Variants in FGGY observed in about 807,000 individuals in gnomAD.
FGGY encodes FGGY carbohydrate kinase domain containing.
Under a neutral mutation model 71.3 loss-of-function variants are expected in FGGY, and 72 were observed. That is an observed-to-expected ratio of 1.01 (90% CI 0.84 to 1.23). The LOEUF is 1.23. Ranked by LOEUF, FGGY falls within the 50% of genes most tolerant of loss-of-function variation. FGGY has a pLI of 0.00. For missense variants in FGGY, 668 were observed against 682.3 expected (o/e 0.98, Z 0.23); for synonymous variants, 251 against 250.3 (o/e 1.00, Z -0.02).
At chr1:59,731,112 C>T (rs113174164) in intron 14 of FGGY, among the ~76,000 whole-genome samples, 2 of 152,338 alleles carry the variant, frequency 1.3e-5, no homozygotes, top group African/African-American at 4.8e-5. Context: ...AGGAGCAGAA[C>T]ACATAAACAG....
intron 5 of FGGY, among the ~76,000 whole-genome samples, chr1:59,429,110 G>T (rs761197638): frequency 6.6e-6 from 1 of 152,290 alleles, no homozygotes; most frequent in South Asian, 2.1e-4. Context: ...CGCAAATGAA[G>T]TACAAGACAA....
intron 7 of FGGY, among the ~76,000 whole-genome samples, chr1:59,546,357 A>T (rs2095519405): frequency 7.2e-6 from 1 of 139,094 alleles, no homozygotes; most frequent in Admixed American, 7.3e-5. Context: ...TATATCTAGT[A>T]AATGTCTGTT....
intron 1 of FGGY, among the ~76,000 whole-genome samples, chr1:59,299,977 A>G (rs927974683): frequency 1.3e-5 from 2 of 152,220 alleles, no homozygotes; most frequent in African/African-American, 4.8e-5. Context: ...TAAAAGTAGA[A>G]AAGAATTGAA....
intron 8 of FGGY, among the ~76,000 whole-genome samples, chr1:59,600,171 C>G (rs753541447): frequency 6.6e-6 from 1 of 152,062 alleles, no homozygotes; most frequent in African/African-American, 2.4e-5. Flanking sequence ...GCTGGACTAA[C>G]GTAGTGGCAA....
At chr1:59,741,950 A>T (rs920912719) in intron 14 of FGGY, among the ~76,000 whole-genome samples, 2 of 151,596 alleles carry the variant, frequency 1.3e-5, no homozygotes, top group African/African-American at 4.9e-5. Context: ...AAAAAAAAAA[A>T]AAAAAAAGCC....
chr1:59,657,758 A>G (rs1388208890), intron 11 of FGGY, among the ~76,000 whole-genome samples: 2 of 152,210 alleles, frequency 1.3e-5, no homozygotes, highest in African/African-American at 2.4e-5. Flanking sequence ...AAGGCTCTAT[A>G]TGAGGTACAG....
intron 14 of FGGY, among the ~76,000 whole-genome samples, chr1:59,679,121 C>T (rs2153985484): frequency 6.6e-6 from 1 of 152,336 alleles, no homozygotes; most frequent in African/African-American, 2.4e-5. Flanking sequence ...CCGCAGTGGT[C>T]TACCCTTGAG....
chr1:59,398,966 A>G (rs976056481), intron 5 of FGGY, among the ~76,000 whole-genome samples: 1 of 152,232 alleles, frequency 6.6e-6, no homozygotes, highest in African/African-American at 2.4e-5. Context: ...ATTATGAAAT[A>G]TAAATGCATG....
At chr1:59,326,950 AG>A (rs1200204454) in intron 2 of FGGY, among the ~76,000 whole-genome samples, 1 of 152,246 alleles carries the variant, frequency 6.6e-6, no homozygotes, top group Non-Finnish European at 1.5e-5. Flanking sequence ...GTCTAAAAAA[AG>A]TATATAACTT....
Position 59,699,526 on chromosome 1 carries a change from T to C in FGGY, c.1512+25393T>C, listed in dbSNP as rs530278233. On this transcript the variant is annotated intron_variant, in intron 14 of 15. Transcript: ENST00000303721. Reference sequence around the variant, plus strand: ...GGATAGAAAAAGTATTTGTGGGTCATTGGGGCTGATGGAGAAAGAAGGCAA... The same window carrying C: ...GGATAGAAAAAGTATTTGTGGGTCACTGGGGCTGATGGAGAAAGAAGGCAA... The C allele has an allele frequency of 7.7e-4, 398 of 516,228 alleles. 1 individual carries two copies. The highest frequency in any genetic ancestry group is 6.8e-3 in the Middle Eastern group (7 of 1,032). 32.0% of individuals were successfully genotyped at this position (516,228 alleles called of 1,614,324 possible). A position where few individuals can be genotyped will look rare whatever the true frequency, so the allele number is the denominator to read the frequency against.
chr1:59,702,257 T>C (rs2097716266), intron 14 of FGGY, among the ~76,000 whole-genome samples: 1 of 152,174 alleles, frequency 6.6e-6, no homozygotes, highest in African/African-American at 2.4e-5. Context: ...AGACAAACTA[T>C]ATCAGAGGTA....
At chr1:59,507,909 A>G (rs1051131919) in intron 6 of FGGY, among the ~76,000 whole-genome samples, 1 of 151,878 alleles carries the variant, frequency 6.6e-6, no homozygotes, top group African/African-American at 2.4e-5. Flanking sequence ...TTGCCTGGCC[A>G]CGCCTGAAGC....
intron 6 of FGGY, among the ~76,000 whole-genome samples, chr1:59,461,122 C>T (rs568598781): frequency 2.0e-5 from 3 of 152,184 alleles, no homozygotes; most frequent in South Asian, 2.1e-4. Flanking sequence ...CAAACTTCTC[C>T]GAGCTAAAGG....
chr1:59,604,688 A>G (rs1363791547), intron 8 of FGGY, among the ~76,000 whole-genome samples: 1 of 152,212 alleles, frequency 6.6e-6, no homozygotes, highest in Admixed American at 6.5e-5. Context: ...TGAGGTCAAC[A>G]TCTGCCTCAG....
chr1:59,489,885 G>A (rs529761305), intron 6 of FGGY, among the ~76,000 whole-genome samples: 60 of 152,002 alleles, frequency 3.9e-4, no homozygotes, highest in African/African-American at 1.4e-3. Context: ...TTAATTTTTT[G>A]TCTTATTTTG....
intron 6 of FGGY, among the ~76,000 whole-genome samples, chr1:59,461,895 A>G (rs1054166258): frequency 3.9e-5 from 6 of 151,930 alleles, no homozygotes; most frequent in African/African-American, 1.2e-4. Flanking sequence ...TTACATATGT[A>G]TACATGTGCC....
At chr1:59,661,845 G>A (rs1383938890) in intron 12 of FGGY, among the ~76,000 whole-genome samples, 4 of 151,128 alleles carry the variant, frequency 2.6e-5, no homozygotes, top group Non-Finnish European at 4.4e-5. Flanking sequence ...TCAGCCTCCC[G>A]AGTAGCTTGG....
chr1:59,613,694 T>A (rs2096716885), intron 9 of FGGY, among the ~76,000 whole-genome samples: 1 of 151,924 alleles, frequency 6.6e-6, no homozygotes, highest in African/African-American at 2.4e-5. Context: ...CTTCAAAAAA[T>A]CGATGCATCC....
At chr1:59,385,139 C>T (rs2059928231) in intron 5 of FGGY, among the ~76,000 whole-genome samples, 1 of 152,082 alleles carries the variant, frequency 6.6e-6, no homozygotes, top group Admixed American at 6.6e-5. Context: ...AACACCTCCT[C>T]CCCTTTCTCT....
Sources: gnomAD v4.1 joint callset for allele counts (sites outside exome capture counted in the v4.1 genomes callset) on GRCh38, gnomAD v4.1.1 for gene constraint, MANE v1.5 for transcripts, NCBI Gene and HGNC (gene_info 2026-07-23, HGNC 2026-07-21) for gene names.